Variants in ROBO2 observed in about 807,000 individuals in gnomAD.
The protein encoded by ROBO2 is roundabout guidance receptor 2, also known as roundabout homolog 2.
A neutral mutation model predicts 160.8 loss-of-function variants in ROBO2; 53 were observed. That is an observed-to-expected ratio of 0.33 (90% CI 0.26 to 0.41). The LOEUF (loss-of-function observed/expected upper bound fraction) is 0.41. Among genes scored for constraint, ROBO2 ranks in the 10% least tolerant of loss-of-function variants. The pLI is 1.00. For synonymous variants in ROBO2, 664 were observed against 611.7 expected (o/e 1.09, Z -1.26); for missense variants, 1,577 against 1,722.4 (o/e 0.92, Z 1.49).
chr3:76,769,913 C>T lies in ROBO2; in HGVS notation c.110-328101C>T, dbSNP rs559067631. On this transcript the variant is annotated intron_variant, in intron 2 of 26. Transcript: ENST00000487694. ...GTGTCTTGATACCTGTCATTGTGTT[C>T]TGCATTCCTGCAGTCTCTCTTAAAT... 6.7e-4 allele frequency among the ~76,000 whole-genome samples: 102 copies of T among 151,482 alleles called. 1 individual carries two copies. Among genetic ancestry groups the T allele is most frequent in the African/African-American group, 2.2e-3 (93 of 41,460 alleles).
intron 2 of ROBO2, among the ~76,000 whole-genome samples, chr3:76,165,119 CTCTA>C (rs2072779538): frequency 6.6e-6 from 1 of 152,120 alleles, no homozygotes; most frequent in African/African-American, 2.4e-5. Flanking sequence ...GTTGACTTTT[CTCTA>C]TCTATGAAAG....
chr3:76,676,206 G>A (rs1241677774), intron 2 of ROBO2, among the ~76,000 whole-genome samples: 1 of 152,074 alleles, frequency 6.6e-6, no homozygotes, highest in Non-Finnish European at 1.5e-5. Flanking sequence ...GGGCCTCTTG[G>A]GAGGTGATTA....
At chr3:76,827,024 A>G (rs2066647515) in intron 2 of ROBO2, among the ~76,000 whole-genome samples, 1 of 152,208 alleles carries the variant, frequency 6.6e-6, no homozygotes, top group African/African-American at 2.4e-5. Flanking sequence ...GCACTAGCAA[A>G]TACTACACAT....
chr3:77,227,327 T>C (rs1310667940), intron 2 of ROBO2, among the ~76,000 whole-genome samples: 1 of 152,174 alleles, frequency 6.6e-6, no homozygotes, highest in Non-Finnish European at 1.5e-5. Flanking sequence ...TACAACTTTT[T>C]CATTTTGCCT....
chr3:76,900,229 CAACATGTGGGAATTATGGA>C (rs1288217043), intron 2 of ROBO2, among the ~76,000 whole-genome samples: 1 of 152,258 alleles, frequency 6.6e-6, no homozygotes. Flanking sequence ...GTCCCTCCCA[CAACATGTGGGAATTATGGA>C]AACTACAAGA....
intron 19 of ROBO2, among the ~76,000 whole-genome samples, chr3:77,601,532 A>C (rs1457427425): frequency 6.6e-6 from 1 of 152,180 alleles, no homozygotes; most frequent in Non-Finnish European, 1.5e-5. Flanking sequence ...TTACAACATG[A>C]AACTGTAATT....
chr3:76,158,610 G>A (rs2072502065), intron 2 of ROBO2, among the ~76,000 whole-genome samples: 1 of 152,096 alleles, frequency 6.6e-6, no homozygotes, highest in African/African-American at 2.4e-5. Context: ...TTGGGGGAGA[G>A]AGGTGGTATG....
intron 20 of ROBO2, chr3:77,603,787 G>A (rs1285046579): frequency 6.6e-6 from 1 of 152,066 alleles, no homozygotes; most frequent in Non-Finnish European, 1.5e-5. Context: ...AAAATGAGGA[G>A]GTTGTAGTAG....
At chr3:76,913,860 C>G (rs1489662839) in intron 2 of ROBO2, among the ~76,000 whole-genome samples, 1 of 151,516 alleles carries the variant, frequency 6.6e-6, no homozygotes, top group South Asian at 2.1e-4. Flanking sequence ...AAAAATACTC[C>G]TTTAGAGGAG....
Position 76,948,874 on chromosome 3 carries a change from T to TTATATATATA in ROBO2, c.110-149114_110-149105dup, listed in dbSNP as rs71104642. On this transcript the variant is annotated intron_variant, in intron 2 of 26. Coordinates refer to the ROBO2 transcript ENST00000487694. ...TGCCCGCCACCACACCCGGCTAATT[T>TTATATATATA]TATATATATATATATATATATATAT... 1.9e-3 allele frequency among the ~76,000 whole-genome samples: 92 copies of TTATATATATA among 48,598 alleles called. 1 individual carries two copies. The highest frequency in any genetic ancestry group is 3.2e-3 in the African/African-American group (30 of 9,320). The allele number at this position is 48,598 out of a possible 152,430, so 31.9% of individuals were successfully genotyped here. A position where few individuals can be genotyped will look rare whatever the true frequency, so the allele number is the denominator to read the frequency against.
intron 2 of ROBO2, among the ~76,000 whole-genome samples, chr3:76,207,906 G>A (rs1181653899): frequency 6.6e-6 from 1 of 152,214 alleles, no homozygotes; most frequent in Non-Finnish European, 1.5e-5. Context: ...GGAGGTGATT[G>A]AGTCATGGCA....
At chr3:76,262,287 C>T (rs1001236087) in intron 2 of ROBO2, among the ~76,000 whole-genome samples, 5 of 151,742 alleles carry the variant, frequency 3.3e-5, no homozygotes, top group Admixed American at 6.6e-5. Flanking sequence ...TAAAATTTAA[C>T]GAGCTTTGCT....
chr3:76,587,491 A>G (rs185512410), intron 2 of ROBO2, among the ~76,000 whole-genome samples: 2 of 152,296 alleles, frequency 1.3e-5, no homozygotes, highest in Non-Finnish European at 2.9e-5. Flanking sequence ...ACATGCCAGC[A>G]GGACGGAGAA....
chr3:77,223,670 T>C (rs73101969), intron 2 of ROBO2, among the ~76,000 whole-genome samples: 3,146 of 152,194 alleles, frequency 0.021, 46 homozygotes, highest in Middle Eastern at 0.045. Flanking sequence ...GTTCACCCAA[T>C]TTGCCTAAGT....
At chr3:76,860,314 A>G (rs1032664810) in intron 2 of ROBO2, among the ~76,000 whole-genome samples, 4 of 152,106 alleles carry the variant, frequency 2.6e-5, no homozygotes, top group African/African-American at 9.7e-5. Flanking sequence ...TCAAATTTTC[A>G]CCACAAAAAA....
chr3:76,870,695 C>T (rs1229914347), intron 2 of ROBO2, among the ~76,000 whole-genome samples: 1 of 151,988 alleles, frequency 6.6e-6, no homozygotes, highest in Non-Finnish European at 1.5e-5. Flanking sequence ...GTTTCCTTCC[C>T]CTACATCTAT....
At chr3:77,198,905 A>AAAAAAAG (rs921439311) in intron 2 of ROBO2, among the ~76,000 whole-genome samples, 2 of 152,176 alleles carry the variant, frequency 1.3e-5, no homozygotes, top group African/African-American at 2.4e-5. Flanking sequence ...TCTGTCCTAA[A>AAAAAAAG]AAAAAAGAAA....
chr3:77,299,858 T>C (rs186918356), intron 2 of ROBO2, among the ~76,000 whole-genome samples: 1 of 152,172 alleles, frequency 6.6e-6, no homozygotes, highest in East Asian at 1.9e-4. Context: ...GCCAACTGGA[T>C]AAAAGTAAGA....
chr3:76,829,583 TTCTCCC>T (rs1337429980), intron 2 of ROBO2, among the ~76,000 whole-genome samples: 1,532 of 152,244 alleles, frequency 0.01, 24 homozygotes, highest in African/African-American at 0.035. Flanking sequence ...TCTCAGACTC[TTCTCCC>T]ACCATCATCC....
Sources: allele counts gnomAD v4.1 joint callset (sites outside exome capture counted in the v4.1 genomes callset), GRCh38; gene constraint gnomAD v4.1.1; transcripts MANE v1.5; gene names NCBI Gene and HGNC (gene_info 2026-07-23, HGNC 2026-07-21).